SCAPER: variants seen among roughly 807,000 people sequenced by gnomAD.
The protein encoded by SCAPER is S phase cyclin A-associated protein in the endoplasmic reticulum.
SCAPER carries 98 observed loss-of-function variants against 182.2 expected under a neutral mutation model. The observed-to-expected ratio is 0.54, with a 90% confidence interval of 0.46 to 0.64. SCAPER has a LOEUF of 0.64. Ranked by LOEUF, SCAPER falls within the 30% of genes least tolerant of loss-of-function variation. SCAPER has a pLI of 0.00. For missense variants in SCAPER, 1,432 were observed against 1,690.0 expected (o/e 0.85, Z 2.68); for synonymous variants, 605 against 564.6 (o/e 1.07, Z -1.01).
chr15:76,444,561 C>A (rs893244820), intron 25 of SCAPER, among the ~76,000 whole-genome samples: 4 of 152,162 alleles, frequency 2.6e-5, no homozygotes, highest in Non-Finnish European at 5.9e-5. Flanking sequence ...TTAAGTCCAA[C>A]AATTTACCTT....
chr15:76,395,395 C>T (rs1388773414), intron 27 of SCAPER, among the ~76,000 whole-genome samples: 4 of 152,118 alleles, frequency 2.6e-5, no homozygotes, highest in African/African-American at 9.7e-5. Flanking sequence ...TATGGTAGCT[C>T]TATTTTTAGT....
Position 76,348,678 on chromosome 15 carries a change from G to A in SCAPER, c.4158C>T (p.Ala1386=). The change falls in exon 32 of 32, where the codon GCC becomes GCT. Residue 1386 remains alanine (A), a synonymous_variant. Coordinates refer to ENST00000563290, the MANE Select transcript of SCAPER (RefSeq NM_020843.4). ...LELANRFPQQ[A]WEEARQFFLK... ...AGAAAAACTGTCGAGCTTCTTCCCA[G>A]GCCTGCTGAGGAAATCTGTTAGCCA... 6.4e-7 allele frequency: 1 copy of A among 1,556,558 alleles called. No homozygotes were observed. The highest frequency in any genetic ancestry group is 8.7e-7 in the Non-Finnish European group (1 of 1,148,734).
intron 25 of SCAPER, among the ~76,000 whole-genome samples, chr15:76,464,709 T>C (rs1299512660): frequency 6.6e-6 from 1 of 152,208 alleles, no homozygotes; most frequent in Non-Finnish European, 1.5e-5. Context: ...GAGGTGAACA[T>C]GGCAGTGCAG....
At chr15:76,702,592 C>T (rs988213726) in intron 19 of SCAPER, among the ~76,000 whole-genome samples, 2 of 152,050 alleles carry the variant, frequency 1.3e-5, no homozygotes, top group African/African-American at 4.8e-5. Context: ...GGATTACAGA[C>T]ATGCACCACC....
intron 14 of SCAPER, among the ~76,000 whole-genome samples, chr15:76,756,930 G>GC (rs1167811786): frequency 6.6e-6 from 1 of 152,098 alleles, no homozygotes; most frequent in Non-Finnish European, 1.5e-5. Context: ...TATCTCCAGA[G>GC]CCCATGTTAT....
chr15:76,451,043 T>A (rs995884711), intron 25 of SCAPER, among the ~76,000 whole-genome samples: 16 of 152,358 alleles, frequency 1.1e-4, no homozygotes, highest in Admixed American at 7.2e-4. Flanking sequence ...CCTGTGGGCA[T>A]AGGCAATCAC....
At chr15:76,632,689 T>C (rs1001708008) in intron 21 of SCAPER, among the ~76,000 whole-genome samples, 1 of 152,138 alleles carries the variant, frequency 6.6e-6, no homozygotes, top group Non-Finnish European at 1.5e-5. Flanking sequence ...GCACTCTGGC[T>C]TTCTGAGTTT....
intron 17 of SCAPER, among the ~76,000 whole-genome samples, chr15:76,708,180 C>A (rs2059363087): frequency 6.6e-6 from 1 of 152,076 alleles, no homozygotes; most frequent in African/African-American, 2.4e-5. Flanking sequence ...CCCTAGATTA[C>A]TTATAATACC....
intron 15 of SCAPER, among the ~76,000 whole-genome samples, chr15:76,753,455 T>C (rs944245075): frequency 2.0e-5 from 3 of 151,948 alleles, no homozygotes; most frequent in Non-Finnish European, 2.9e-5. Context: ...AATTAGATAA[T>C]AGAGTTGAAT....
At chr15:76,902,187 C>T (rs1208097097) in intron 1 of SCAPER, among the ~76,000 whole-genome samples, 1 of 152,144 alleles carries the variant, frequency 6.6e-6, no homozygotes, top group Non-Finnish European at 1.5e-5. Flanking sequence ...AAAATCATGC[C>T]CTCTGCAGCA....
chr15:76,751,442 A>C (rs1157750617), intron 15 of SCAPER, among the ~76,000 whole-genome samples: 1 of 151,726 alleles, frequency 6.6e-6, no homozygotes, highest in Admixed American at 6.6e-5. Flanking sequence ...AAAGAACAAC[A>C]AAATTGGATG....
chr15:76,666,618 G>A (rs2146778160), intron 20 of SCAPER, among the ~76,000 whole-genome samples: 1 of 152,226 alleles, frequency 6.6e-6, no homozygotes, highest in East Asian at 1.9e-4. Flanking sequence ...ACCTCAAGTG[G>A]CCTCTAGTAT....
chr15:76,791,060 A>G (rs1316378025), intron 8 of SCAPER, among the ~76,000 whole-genome samples: 1 of 152,200 alleles, frequency 6.6e-6, no homozygotes, highest in Non-Finnish European at 1.5e-5. Flanking sequence ...AGTTATCTAA[A>G]AGCAAATTCC....
At chr15:76,850,879 A>G (rs1008099581) in intron 4 of SCAPER, among the ~76,000 whole-genome samples, 6 of 148,078 alleles carry the variant, frequency 4.1e-5, no homozygotes, top group East Asian at 2.0e-4. Context: ...AAAAAAAAAG[A>G]AAAAAAAAGA....
chr15:76,781,918 C>T (rs1598701000), intron 8 of SCAPER, among the ~76,000 whole-genome samples: 1 of 152,140 alleles, frequency 6.6e-6, no homozygotes, highest in Non-Finnish European at 1.5e-5. Flanking sequence ...CAACCAGTAC[C>T]AGCCACTGCA....
intron 24 of SCAPER, 97 bp downstream of exon 24, chr15:76,504,762 A>T: frequency 1.0e-6 from 1 of 962,036 alleles, no homozygotes; most frequent in Non-Finnish European, 1.5e-6. Flanking sequence ...AACCCTGAAT[A>T]CACATACAAT....
intron 5 of SCAPER, among the ~76,000 whole-genome samples, chr15:76,819,021 C>T (rs1300145729): frequency 1.3e-5 from 2 of 152,180 alleles, no homozygotes; most frequent in Admixed American, 1.3e-4. Flanking sequence ...AACTGCAAGG[C>T]GGCAGCGAGG....
At chr15:76,434,338 T>C (rs747848295) in intron 25 of SCAPER, 28 bp from the exon 26 acceptor site, 2 of 1,518,536 alleles carry the variant, frequency 1.3e-6, no homozygotes, top group Non-Finnish European at 1.8e-6. Flanking sequence ...ACAGTAAATA[T>C]GTTTCAATAA....
chr15:76,765,551 T>C lies in SCAPER; in HGVS notation c.1495+12A>G, dbSNP rs1427753050. 3.7e-6 allele frequency: 6 copies of C among 1,600,882 alleles called. No individual in the cohort carries two copies. The African/African-American group carries it at 4.0e-5, about 11-fold the overall frequency. ...CACTGTACTACACACCCAATATGCATATACACAATACCTTCATAATCTGCA... is the reference window on the plus strand; with the variant it reads ...CACTGTACTACACACCCAATATGCACATACACAATACCTTCATAATCTGCA... On this transcript the variant is annotated intron_variant, in intron 12 of 31. Transcript: ENST00000563290.
Sources: allele counts gnomAD v4.1 joint callset (sites outside exome capture counted in the v4.1 genomes callset), GRCh38; gene constraint gnomAD v4.1.1; transcripts MANE v1.5; gene names NCBI Gene and HGNC (gene_info 2026-07-23, HGNC 2026-07-21).